Variants in ESF1 observed in about 807,000 individuals in gnomAD.
ESF1 encodes the protein ESF1 nucleolar pre-rRNA processing protein.
Under a neutral mutation model 92.0 loss-of-function variants are expected in ESF1, and 58 were observed. That is an observed-to-expected ratio of 0.63 (90% CI 0.51 to 0.78). The LOEUF (loss-of-function observed/expected upper bound fraction) is 0.78. Among genes scored for constraint, ESF1 ranks in the 30% least tolerant of loss-of-function variants. ESF1 has a pLI of 0.00. For missense variants in ESF1, 922 were observed against 989.1 expected (o/e 0.93, Z 0.91); for synonymous variants, 321 against 313.7 (o/e 1.02, Z -0.24).
intron 9 of ESF1, among the ~76,000 whole-genome samples, chr20:13,755,714 C>G (rs1978862483): frequency 6.6e-6 from 1 of 152,106 alleles, no homozygotes; most frequent in Non-Finnish European, 1.5e-5. Context: ...TCCATAGGAA[C>G]TAAAATATTG....
At position 13,771,390 on chromosome 20, in the gene ESF1, T is replaced by A. The variant is rs747813221; in HGVS notation, c.1344A>T (p.Lys448Asn). ...VDCDSPETAS[K>N]IYEDCDGLEF... ...CCAGGCCATCACAATCCTCATAAAT[T>A]TTACTAGCTGTTTCCGGAGAATCAC... Residue 448 changes from lysine to asparagine, a missense_variant, in exon 6 of 14, where the codon AAA becomes AAT. Coordinates refer to ENST00000617257, the MANE Select transcript of ESF1 (RefSeq NM_001276380.2). 9.9e-6 allele frequency: 16 copies of A among 1,612,880 alleles called. No homozygotes were observed. Among genetic ancestry groups the A allele is most frequent in the African/African-American group, 1.3e-5 (1 of 74,908 alleles).
intron 9 of ESF1, among the ~76,000 whole-genome samples, chr20:13,751,021 A>G (rs886891788): frequency 2.6e-5 from 4 of 152,228 alleles, no homozygotes; most frequent in Non-Finnish European, 4.4e-5. Flanking sequence ...AAGATGCTAT[A>G]CTCAAAAACG....
intron 8 of ESF1, among the ~76,000 whole-genome samples, chr20:13,761,434 TG>T (rs1373740422): frequency 1.3e-5 from 2 of 148,892 alleles, no homozygotes; most frequent in African/African-American, 4.9e-5. Flanking sequence ...AAAAAGAAGA[TG>T]GCATTTTATC....
intron 9 of ESF1, among the ~76,000 whole-genome samples, chr20:13,741,725 G>A (rs1343308716): frequency 2.0e-5 from 3 of 152,096 alleles, no homozygotes; most frequent in Non-Finnish European, 4.4e-5. Flanking sequence ...ACAAAAAAGA[G>A]TTTCTTAGAT....
intron 2 of ESF1, among the ~76,000 whole-genome samples, chr20:13,781,875 A>T (rs574377524): frequency 6.6e-6 from 1 of 151,692 alleles, no homozygotes; most frequent in Admixed American, 6.6e-5. Context: ...TACTTACCCT[A>T]TTTATTTTAT....
intron 1 of ESF1, among the ~76,000 whole-genome samples, chr20:13,784,367 GA>G (rs1168049567): frequency 6.6e-6 from 1 of 150,616 alleles, no homozygotes; most frequent in African/African-American, 2.4e-5. Flanking sequence ...GAAAAAAAAG[GA>G]AGCTATCGCT....
At chr20:13,769,434 T>C (rs1600291226) in intron 7 of ESF1, among the ~76,000 whole-genome samples, 1 of 152,190 alleles carries the variant, frequency 6.6e-6, no homozygotes, top group African/African-American at 2.4e-5. Flanking sequence ...TTCACAGATA[T>C]GGTAGAGGCA....
chr20:13,745,107 T>G (rs537034758), intron 9 of ESF1, among the ~76,000 whole-genome samples: 2 of 152,192 alleles, frequency 1.3e-5, no homozygotes, highest in East Asian at 3.8e-4. Context: ...AGCCTGATAA[T>G]ATCAGTTAAA....
chr20:13,717,994 C>G (rs1449358872), intron 12 of ESF1, among the ~76,000 whole-genome samples: 1 of 146,572 alleles, frequency 6.8e-6, no homozygotes, highest in African/African-American at 2.5e-5. Flanking sequence ...AATACTGATA[C>G]ATTTCTATGA....
rs746719868 is a variant in ESF1 at position 13,766,774 on chromosome 20, T to C, written c.1666+3A>G. The C allele has an allele frequency of 3.1e-6, 5 of 1,612,646 alleles. No homozygotes were observed. Among genetic ancestry groups the C allele is most frequent in the Non-Finnish European group, 3.4e-6 (4 of 1,179,558 alleles). ...TTAATGGTCACTGAAAGATTAACAA[T>C]ACCTTGTAGCTCCTCTTCTATCTCC... On this transcript the variant is annotated splice_donor_region_variant and intron_variant, in intron 8 of 13. Transcript: ENST00000617257.
At chr20:13,734,446 G>T (rs1032378015) in intron 9 of ESF1, among the ~76,000 whole-genome samples, 2 of 152,180 alleles carry the variant, frequency 1.3e-5, no homozygotes, top group African/African-American at 4.8e-5. Context: ...ACCAAGTTCA[G>T]ATTCCATTTC....
intron 4 of ESF1, among the ~76,000 whole-genome samples, chr20:13,773,759 G>A (rs185280528): frequency 1.8e-4 from 28 of 152,234 alleles, no homozygotes; most frequent in African/African-American, 4.1e-4. Flanking sequence ...GCCGAGAAGC[G>A]ACAGGGTGAG....
intron 4 of ESF1, among the ~76,000 whole-genome samples, chr20:13,774,501 A>C (rs184198418): frequency 6.6e-6 from 1 of 152,358 alleles, no homozygotes; most frequent in African/African-American, 2.4e-5. Context: ...ACTGCACTAA[A>C]TACTTAGTTC....
chr20:13,744,422 A>C (rs2050034759), intron 9 of ESF1, among the ~76,000 whole-genome samples: 1 of 152,238 alleles, frequency 6.6e-6, no homozygotes, highest in African/African-American at 2.4e-5. Flanking sequence ...CTCATTAGTA[A>C]CCAGGGAAAT....
intron 9 of ESF1, among the ~76,000 whole-genome samples, chr20:13,738,198 T>C (rs1311744112): frequency 1.3e-5 from 2 of 152,228 alleles, no homozygotes; most frequent in Admixed American, 6.5e-5. Context: ...TTAAAGCATA[T>C]TGGATAAGCC....
chr20:13,780,525 T>C (rs73100152), intron 2 of ESF1, among the ~76,000 whole-genome samples: 1 of 152,298 alleles, frequency 6.6e-6, no homozygotes, highest in Non-Finnish European at 1.5e-5. Context: ...CACCACTGAC[T>C]CCCTAGTCCT....
chr20:13,740,075 G>A (rs2050001625), intron 9 of ESF1, among the ~76,000 whole-genome samples: 1 of 152,144 alleles, frequency 6.6e-6, no homozygotes, highest in African/African-American at 2.4e-5. Flanking sequence ...CTGGGTTTGT[G>A]GCTGGAATTC....
intron 9 of ESF1, among the ~76,000 whole-genome samples, chr20:13,743,197 T>C (rs1408724820): frequency 6.6e-6 from 1 of 152,144 alleles, no homozygotes; most frequent in Non-Finnish European, 1.5e-5. Context: ...CATGATGAGG[T>C]ATTACCTCAC....
intron 6 of ESF1, 64 bp downstream of exon 6, chr20:13,771,267 T>C: frequency 6.8e-7 from 1 of 1,474,706 alleles, no homozygotes; most frequent in South Asian, 1.2e-5. Context: ...CCAGTTCAAA[T>C]ATTTTACTTC....
Sources: gnomAD v4.1 joint callset for allele counts (sites outside exome capture counted in the v4.1 genomes callset) on GRCh38, gnomAD v4.1.1 for gene constraint, MANE v1.5 for transcripts, NCBI Gene and HGNC (gene_info 2026-07-23, HGNC 2026-07-21) for gene names.